Variants in CREB5 observed in about 807,000 individuals in gnomAD.
CREB5 encodes the protein cyclic AMP-responsive element-binding protein 5.
In CREB5, 19 loss-of-function variants were observed where a neutral mutation model predicts 57.1. The ratio of observed to expected loss-of-function variants is 0.33; its 90% confidence interval spans 0.23 to 0.49. The LOEUF (loss-of-function observed/expected upper bound fraction) is 0.49, where lower values mean the gene tolerates loss of function less well. Among genes scored for constraint, CREB5 ranks in the 20% least tolerant of loss-of-function variants. CREB5 has a pLI of 0.99. For synonymous variants in CREB5, 238 were observed against 238.3 expected (o/e 1.00, Z 0.01); for missense variants, 579 against 671.6 (o/e 0.86, Z 1.52).
chr7:28,555,714 C>T (rs1157073846), intron 4 of CREB5, among the ~76,000 whole-genome samples: 2 of 152,048 alleles, frequency 1.3e-5, no homozygotes, highest in African/African-American at 4.8e-5. Flanking sequence ...AGCATAAGAA[C>T]ATAAGCATCA....
intron 1 of CREB5, among the ~76,000 whole-genome samples, chr7:28,352,224 T>C (rs1049834904): frequency 1.3e-5 from 2 of 152,230 alleles, no homozygotes; most frequent in Admixed American, 6.5e-5. Context: ...TTGAGGAATT[T>C]ATCCTCCATA....
intron 1 of CREB5, among the ~76,000 whole-genome samples, chr7:28,473,486 C>T (rs1790918516): frequency 1.3e-5 from 2 of 152,034 alleles, no homozygotes; most frequent in Admixed American, 1.3e-4. Flanking sequence ...GTTTCTTTGC[C>T]TTGTAAGGTA....
chr7:28,315,653 T>C (rs1444024266), intron 1 of CREB5, among the ~76,000 whole-genome samples: 1 of 152,246 alleles, frequency 6.6e-6, no homozygotes, highest in Non-Finnish European at 1.5e-5. Flanking sequence ...CTTTTGTGTT[T>C]GACCTCGTCC....
At chr7:28,813,098 A>AT (rs1301169684) in intron 9 of CREB5, among the ~76,000 whole-genome samples, 16 of 152,214 alleles carry the variant, frequency 1.1e-4, no homozygotes, top group African/African-American at 3.9e-4. Context: ...CTAATCTGAC[A>AT]TTTTGTGGAG....
At chr7:28,573,979 G>A (rs1358583246) in intron 5 of CREB5, among the ~76,000 whole-genome samples, 3 of 152,162 alleles carry the variant, frequency 2.0e-5, no homozygotes, top group Admixed American at 2.0e-4. Flanking sequence ...GAAACCAGAG[G>A]TAAATATAAA....
At chr7:28,617,758 C>T (rs765870170) in intron 5 of CREB5, among the ~76,000 whole-genome samples, 3 of 152,130 alleles carry the variant, frequency 2.0e-5, no homozygotes, top group South Asian at 2.1e-4. Flanking sequence ...AAAAGAGCAG[C>T]GCTCTATTTT....
At chr7:28,689,841 T>G (rs192706228) in intron 5 of CREB5, among the ~76,000 whole-genome samples, 8 of 152,184 alleles carry the variant, frequency 5.3e-5, no homozygotes, top group Admixed American at 5.2e-4. Context: ...ATTTCATGAA[T>G]CTGAAGGATG....
Position 28,358,891 on chromosome 7 carries a change from G to A in CREB5, c.-25+59450G>A, listed in dbSNP as rs112339609. Among the ~76,000 whole-genome samples, 124 of 152,304 alleles carry A rather than the reference G, an allele frequency of 8.1e-4. 3 individuals carry two copies. The highest frequency in any genetic ancestry group is 2.9e-3 in the African/African-American group (122 of 41,558). On this transcript the variant is annotated intron_variant, in intron 1 of 9. Coordinates refer to the CREB5 transcript ENST00000396299. ...TGAGGTGCAAAGTGACTTGGTATACGTATTGGGGAGTTGTTAATAGGGGTG... is the reference window on the plus strand; with the variant it reads ...TGAGGTGCAAAGTGACTTGGTATACATATTGGGGAGTTGTTAATAGGGGTG...
chr7:28,475,648 C>A lies in CREB5; in HGVS notation c.4-12527C>A, dbSNP rs113236124. 6.1e-3 allele frequency among the ~76,000 whole-genome samples: 929 copies of A among 151,792 alleles called. 6 individuals are homozygous for A. The highest frequency in any genetic ancestry group is 0.011 in the Non-Finnish European group (746 of 67,928). On this transcript the variant is annotated intron_variant, in intron 1 of 10. Transcript: ENST00000357727. ...ATCTGTGTCAGTCTTATTTCCCATGCCTCCAGGTAAACCTAAAGCACCTAC... is the reference window on the plus strand; with the variant it reads ...ATCTGTGTCAGTCTTATTTCCCATGACTCCAGGTAAACCTAAAGCACCTAC...
At chr7:28,778,247 C>T (rs1017773581) in intron 7 of CREB5, among the ~76,000 whole-genome samples, 30 of 152,124 alleles carry the variant, frequency 2.0e-4, no homozygotes, top group Admixed American at 1.8e-3. Flanking sequence ...ATTTACTATT[C>T]GATTAGTAAA....
intron 5 of CREB5, among the ~76,000 whole-genome samples, chr7:28,671,061 C>A (rs534359715): frequency 6.6e-6 from 1 of 151,734 alleles, no homozygotes; most frequent in Non-Finnish European, 1.5e-5. Flanking sequence ...GCAAGGAGTT[C>A]GAGACTAGCC....
At chr7:28,350,174 T>C (rs898271396) in intron 1 of CREB5, among the ~76,000 whole-genome samples, 2 of 152,316 alleles carry the variant, frequency 1.3e-5, no homozygotes, top group East Asian at 1.9e-4. Context: ...TAAGAAAATA[T>C]ATCCATATCC....
Position 28,465,829 on chromosome 7 carries a change from G to A in CREB5, c.4-22346G>A, listed in dbSNP as rs368091482. Among the ~76,000 whole-genome samples the A allele has an allele frequency of 1.8e-3, 272 of 152,230 alleles. 7 individuals carry two copies. The South Asian group carries it at 0.055, about 31-fold the overall frequency. On this transcript the variant is annotated intron_variant, in intron 1 of 10. Coordinates refer to ENST00000357727, the MANE Select transcript of CREB5 (RefSeq NM_182898.4). ...TGAATGAATAATCTTTCGCATGAGTGTCCATTTATGTCAGCCTGCTAACGT... is the reference window on the plus strand; with the variant it reads ...TGAATGAATAATCTTTCGCATGAGTATCCATTTATGTCAGCCTGCTAACGT...
chr7:28,563,844 G>A (rs774319369), intron 4 of CREB5, among the ~76,000 whole-genome samples: 9 of 152,068 alleles, frequency 5.9e-5, no homozygotes, highest in South Asian at 2.1e-4. Flanking sequence ...ACAGTGCTGC[G>A]GAGAATGCTA....
chr7:28,340,057 C>A (rs1320409960), intron 1 of CREB5, among the ~76,000 whole-genome samples: 1 of 152,178 alleles, frequency 6.6e-6, no homozygotes, highest in African/African-American at 2.4e-5. Context: ...TGGCCCAAGG[C>A]AGTTCCAGAA....
intron 1 of CREB5, among the ~76,000 whole-genome samples, chr7:28,437,459 C>T (rs963930596): frequency 6.6e-6 from 1 of 152,046 alleles, no homozygotes; most frequent in Non-Finnish European, 1.5e-5. Flanking sequence ...TCTGTATGGC[C>T]CAAATCCCAC....
At chr7:28,768,914 T>G (rs550119201) in intron 7 of CREB5, among the ~76,000 whole-genome samples, 20 of 152,196 alleles carry the variant, frequency 1.3e-4, no homozygotes, top group Non-Finnish European at 2.6e-4. Context: ...AGCCTCAGCC[T>G]CTCCTCAGGC....
chr7:28,395,050 G>C (rs1049269086), intron 1 of CREB5, among the ~76,000 whole-genome samples: 3 of 151,958 alleles, frequency 2.0e-5, no homozygotes, highest in Non-Finnish European at 4.4e-5. Context: ...TACTTCCCTG[G>C]GGGTCTTAGG....
In CREB5 at chr7:28,560,856, GTGCGTGTGCC is replaced by G. The variant is rs1562797203; in HGVS notation, c.292-9502_292-9493del. On this transcript the variant is annotated intron_variant, in intron 4 of 10. Coordinates refer to ENST00000357727, the MANE Select transcript of CREB5 (RefSeq NM_182898.4). ...CGCGTGTGTGTGTGCGCGTGTGTGT[GTGCGTGTGCC>G]TGCGTGCGCGTGCGTGCGTGCGTGT... is the stretch of plus-strand genomic sequence containing the variant. Among the ~76,000 whole-genome samples, 7 of 74,082 alleles carry G rather than the reference GTGCGTGTGCC, an allele frequency of 9.4e-5. 1 individual carries two copies. The highest frequency in any genetic ancestry group is 1.1e-4 in the Non-Finnish European group (4 of 35,044). 48.6% of individuals were successfully genotyped at this position (74,082 alleles called of 152,430 possible). A position where few individuals can be genotyped will look rare whatever the true frequency, so the allele number is the denominator to read the frequency against.
Sources: gnomAD v4.1 joint callset for allele counts (sites outside exome capture counted in the v4.1 genomes callset) on GRCh38, gnomAD v4.1.1 for gene constraint, MANE v1.5 for transcripts, NCBI Gene and HGNC (gene_info 2026-07-23, HGNC 2026-07-21) for gene names.